CCDC148: variants seen among roughly 807,000 people sequenced by gnomAD.
The protein encoded by CCDC148 is coiled-coil domain containing 148.
A neutral mutation model predicts 85.7 loss-of-function variants in CCDC148; 89 were observed. The observed-to-expected ratio is 1.04, with a 90% CI of 0.87 to 1.24. The LOEUF (loss-of-function observed/expected upper bound fraction) is 1.24. Among genes scored for constraint, CCDC148 ranks in the 50% most tolerant of loss-of-function variants. The probability of loss-of-function intolerance (pLI) is 0.00; values close to 1 mark genes in which losing one functional copy is unlikely to be tolerated. For missense variants in CCDC148, 692 were observed against 671.7 expected (o/e 1.03, Z -0.33); for synonymous variants, 230 against 213.9 (o/e 1.08, Z -0.66).
intron 9 of CCDC148, among the ~76,000 whole-genome samples, chr2:158,262,204 T>G (rs1240223888): frequency 6.6e-6 from 1 of 151,846 alleles, no homozygotes; most frequent in Non-Finnish European, 1.5e-5. Context: ...AGATCATATA[T>G]TTTGCAGAAA....
intron 9 of CCDC148, among the ~76,000 whole-genome samples, chr2:158,258,477 T>C (rs1483283183): frequency 6.6e-6 from 1 of 151,826 alleles, no homozygotes; most frequent in Non-Finnish European, 1.5e-5. Flanking sequence ...ATTAAAGGTG[T>C]CCCTGGGCAC....
intron 1 of CCDC148, among the ~76,000 whole-genome samples, chr2:158,438,794 C>A (rs1241795513): frequency 1.3e-5 from 2 of 152,144 alleles, no homozygotes; most frequent in Non-Finnish European, 2.9e-5. Flanking sequence ...AAACGAACAA[C>A]CCCATCAAAA....
At chr2:158,407,238 G>A (rs1686066532) in intron 1 of CCDC148, among the ~76,000 whole-genome samples, 1 of 152,114 alleles carries the variant, frequency 6.6e-6, no homozygotes, top group African/African-American at 2.4e-5. Context: ...ACAAGGGAGG[G>A]ACCAAGGGCA....
chr2:158,396,681 C>A (rs1000164953), intron 1 of CCDC148, among the ~76,000 whole-genome samples: 1 of 152,072 alleles, frequency 6.6e-6, no homozygotes, highest in East Asian at 1.9e-4. Flanking sequence ...ACAGACTCAC[C>A]TCACAGGGTC....
intron 11 of CCDC148, among the ~76,000 whole-genome samples, chr2:158,194,680 C>A (rs189871908): frequency 6.6e-6 from 1 of 152,092 alleles, no homozygotes; most frequent in Non-Finnish European, 1.5e-5. Context: ...TGCATGGGAA[C>A]TATAGAAAAC....
At chr2:158,378,843 ATTCCT>A (rs1179010339) in intron 1 of CCDC148, among the ~76,000 whole-genome samples, 1 of 152,158 alleles carries the variant, frequency 6.6e-6, no homozygotes, top group East Asian at 1.9e-4. Flanking sequence ...AGAAGAAAAG[ATTCCT>A]TTCAAAATTT....
intron 2 of CCDC148, among the ~76,000 whole-genome samples, chr2:158,346,788 C>T (rs1453563357): frequency 6.6e-6 from 1 of 152,110 alleles, no homozygotes; most frequent in Non-Finnish European, 1.5e-5. Flanking sequence ...AAGACAAGTT[C>T]TAAAAAGGAA....
At chr2:158,220,459 T>C (rs896443203) in intron 11 of CCDC148, 136 bp downstream of exon 11, 3 of 626,452 alleles carry the variant, frequency 4.8e-6, no homozygotes, top group Non-Finnish European at 5.5e-6. Flanking sequence ...TATCATTGTA[T>C]TCATTTGTGA....
intron 1 of CCDC148, among the ~76,000 whole-genome samples, chr2:158,400,908 C>A (rs1183559108): frequency 6.6e-6 from 1 of 152,178 alleles, no homozygotes; most frequent in African/African-American, 2.4e-5. Context: ...ACAGACACTT[C>A]TCAAAAGAAG....
chr2:158,439,585 C>A (rs1034000861), intron 1 of CCDC148, among the ~76,000 whole-genome samples: 1 of 151,870 alleles, frequency 6.6e-6, no homozygotes, highest in African/African-American at 2.4e-5. Flanking sequence ...TGTAACAAAC[C>A]TGTACGTTGT....
intron 2 of CCDC148, among the ~76,000 whole-genome samples, chr2:158,348,707 A>C (rs6437166): frequency 0.17 from 25,728 of 151,920 alleles, 3,466 homozygotes; most frequent in African/African-American, 0.38. Context: ...TGTGGGTAGC[A>C]GTATAGAGGA....
intron 1 of CCDC148, among the ~76,000 whole-genome samples, chr2:158,374,499 A>G (rs886377059): frequency 8.6e-5 from 13 of 151,920 alleles, no homozygotes; most frequent in African/African-American, 3.1e-4. Flanking sequence ...ACTTCAAACA[A>G]TACTACCCCC....
rs1425562917 is a variant in CCDC148 at position 158,233,728 on chromosome 2, T to C, written c.1252-13015A>G. Among the ~76,000 whole-genome samples, 4 of 152,176 alleles carry C rather than the reference T, an allele frequency of 2.6e-5. No individual in the cohort carries two copies. The East Asian group carries it at 7.7e-4, about 29-fold the overall frequency. On this transcript the variant is annotated intron_variant, in intron 10 of 13. Transcript: ENST00000283233. ...AGAGAATGGGGACCTGGTACATCTC[T>C]AGGTCAAACTGCTCATGGAAGCCAG...
intron 13 of CCDC148, among the ~76,000 whole-genome samples, chr2:158,173,872 A>G (rs976075578): frequency 1.3e-5 from 2 of 151,960 alleles, no homozygotes; most frequent in African/African-American, 2.4e-5. Flanking sequence ...CCATGTTGTG[A>G]GGCTTAAATT....
chr2:158,357,244 A>C (rs1683703815), intron 2 of CCDC148, among the ~76,000 whole-genome samples: 1 of 151,960 alleles, frequency 6.6e-6, no homozygotes, highest in Admixed American at 6.6e-5. Flanking sequence ...AATAAAAAAA[A>C]AGAAGACAAA....
intron 1 of CCDC148, among the ~76,000 whole-genome samples, chr2:158,424,408 T>A (rs533756672): frequency 6.6e-6 from 1 of 152,252 alleles, no homozygotes; most frequent in East Asian, 1.9e-4. Flanking sequence ...TGAGTTCATG[T>A]CCTTTGTAGG....
rs578133264 is a variant in CCDC148, at chr2:158,206,522, G to A, written c.1370+14073C>T. ...TCAGAAATGTCCCTGAAAGGGGATG[G>A]AGGAGGGAAATTTACCATGCAAATG... On this transcript the variant is annotated intron_variant, in intron 11 of 13. Transcript: ENST00000283233. 1.4e-3 allele frequency among the ~76,000 whole-genome samples: 211 copies of A among 152,346 alleles called. 1 individual carries two copies. The highest frequency in any genetic ancestry group is 2.4e-3 in the Non-Finnish European group (166 of 68,032).
chr2:158,279,362 A>G (rs973449580), intron 9 of CCDC148, among the ~76,000 whole-genome samples: 6 of 152,216 alleles, frequency 3.9e-5, no homozygotes, highest in Non-Finnish European at 8.8e-5. Context: ...AAAGGCAAAG[A>G]AGTTAAAAAC....
intron 7 of CCDC148, among the ~76,000 whole-genome samples, chr2:158,321,939 A>G (rs1437640580): frequency 6.6e-6 from 1 of 152,176 alleles, no homozygotes; most frequent in African/African-American, 2.4e-5. Flanking sequence ...TAAATATTGA[A>G]AGAGAGAGAA....
Sources: allele counts gnomAD v4.1 joint callset (sites outside exome capture counted in the v4.1 genomes callset), GRCh38; gene constraint gnomAD v4.1.1; transcripts MANE v1.5; gene names NCBI Gene and HGNC (gene_info 2026-07-23, HGNC 2026-07-21).